FSIP1: variants seen among roughly 807,000 people sequenced by gnomAD.
FSIP1 encodes fibrous sheath interacting protein 1.
In FSIP1, 65 loss-of-function variants were observed where a neutral mutation model predicts 60.9. The ratio of observed to expected loss-of-function variants is 1.07; its 90% CI spans 0.87 to 1.31. The LOEUF (loss-of-function observed/expected upper bound fraction) is 1.31, where lower values mean the gene tolerates loss of function less well. Among genes scored for constraint, FSIP1 ranks in the 40% most tolerant of loss-of-function variants. The pLI is 0.00. For missense variants in FSIP1, 675 were observed against 665.5 expected, an observed-to-expected ratio of 1.01 and a Z score of -0.16; for synonymous variants, 209 against 221.2, an observed-to-expected ratio of 0.94 and a Z score of 0.49.
intron 10 of FSIP1, among the ~76,000 whole-genome samples, chr15:39,694,993 A>G (rs1894757653): frequency 6.6e-6 from 1 of 152,170 alleles, no homozygotes; most frequent in Admixed American, 6.5e-5. Flanking sequence ...TGTAACAGAG[A>G]TGTGCTGTCA....
chr15:39,646,520 C>CA (rs71132108), intron 10 of FSIP1, among the ~76,000 whole-genome samples: 3,776 of 27,060 alleles, frequency 0.14, 986 homozygotes, highest in Non-Finnish European at 0.24. Context: ...CTCATCTCTA[C>CA]AAAAAAAAAA....
chr15:39,735,381 A>C (rs1896568935), intron 8 of FSIP1, among the ~76,000 whole-genome samples: 1 of 152,242 alleles, frequency 6.6e-6, no homozygotes, highest in East Asian at 1.9e-4. Context: ...GGTGATTGTT[A>C]ACACAATAGG....
At chr15:39,608,141 A>G (rs563861434) in intron 11 of FSIP1, among the ~76,000 whole-genome samples, 3 of 152,368 alleles carry the variant, frequency 2.0e-5, no homozygotes, top group African/African-American at 7.2e-5. Flanking sequence ...TGTAAGACCT[A>G]TTCCTTAGAG....
intron 10 of FSIP1, among the ~76,000 whole-genome samples, chr15:39,659,269 G>A (rs1052524226): frequency 2.7e-4 from 41 of 152,118 alleles, no homozygotes; most frequent in African/African-American, 9.7e-5. Context: ...TGGGCTGGAC[G>A]CCGTGGCTCA....
chr15:39,661,310 C>T (rs953105959), intron 10 of FSIP1, among the ~76,000 whole-genome samples: 15 of 152,160 alleles, frequency 9.9e-5, no homozygotes, highest in African/African-American at 3.6e-4. Context: ...GATGAGATGG[C>T]TTTCTGTATA....
rs755909090 is a variant in FSIP1 at position 39,713,526 on chromosome 15, A to T, written c.1106T>A (p.Leu369His). The change falls in exon 10 of 12, where the codon CTT (leucine) becomes CAT (histidine). Residue 369 changes from leucine to histidine, a missense_variant. Physicochemically the swap from Leu to His is moderately conservative, Grantham distance 99 (BLOSUM62 -3). Transcript: ENST00000350221. Reference sequence around the variant, plus strand: ...ATCGCGTTGCTCTTTGGTGTTCCTAAGTATCTTTTCTCCTGGAGTTACTTC... The same window carrying T: ...ATCGCGTTGCTCTTTGGTGTTCCTATGTATCTTTTCTCCTGGAGTTACTTC... ...NMEVTPGEKI[L>H]RNTKEQRDLH... 2.5e-6 allele frequency: 4 copies of T among 1,610,238 alleles called. No homozygotes were observed. In the Admixed American group the frequency reaches 6.7e-5, roughly 27 times the overall value.
At chr15:39,617,312 T>C (rs74008647) in intron 11 of FSIP1, among the ~76,000 whole-genome samples, 19,650 of 152,188 alleles carry the variant, frequency 0.13, 1,469 homozygotes, top group Non-Finnish European at 0.17. Flanking sequence ...GAGAGGAGGT[T>C]TGCATACAGA....
At position 39,765,610 on chromosome 15, in the gene FSIP1, C is replaced by A; in HGVS notation, c.447G>T (p.Lys149Asn). The part of the protein sequence containing the change: ...IKKQGLEMRI[K>N]LWEEIKSAKY... ...TTCTTACCTTAATTTCTTCCCACAG[C>A]TTTATTCTCATTTCTAGACCTTGCT... Residue 149 changes from lysine to asparagine, a missense_variant, in exon 4 of 12, where the codon AAG becomes AAT. Coordinates refer to ENST00000350221, the MANE Select transcript of FSIP1 (RefSeq NM_152597.5). 1 of 1,588,266 alleles carries A rather than the reference C, an allele frequency of 6.3e-7. No individual in the cohort carries two copies. The highest frequency in any genetic ancestry group is 8.5e-7 in the Non-Finnish European group (1 of 1,171,950).
chr15:39,638,409 G>C (rs980450079), intron 10 of FSIP1, among the ~76,000 whole-genome samples: 7 of 152,208 alleles, frequency 4.6e-5, no homozygotes, highest in African/African-American at 1.4e-4. Context: ...TGAGTGGTCA[G>C]AGGAATTAGT....
intron 10 of FSIP1, among the ~76,000 whole-genome samples, chr15:39,628,640 C>T (rs1261755523): frequency 6.6e-6 from 1 of 152,166 alleles, no homozygotes; most frequent in African/African-American, 2.4e-5. Context: ...TTAAGTGTTC[C>T]TTCAGCTTGC....
At chr15:39,704,526 T>C (rs1483364102) in intron 10 of FSIP1, among the ~76,000 whole-genome samples, 1 of 152,220 alleles carries the variant, frequency 6.6e-6, no homozygotes, top group African/African-American at 2.4e-5. Flanking sequence ...GGACGTGACT[T>C]AGAGAGGTTG....
chr15:39,726,785 T>C (rs753191655), intron 8 of FSIP1, 38 bp from the exon 9 acceptor site: 48 of 1,596,510 alleles, frequency 3.0e-5, no homozygotes, highest in Non-Finnish European at 4.0e-5. Flanking sequence ...ATTCTCAGGC[T>C]ATATTTTTGC....
At chr15:39,711,057 G>C (rs1895486450) in intron 10 of FSIP1, among the ~76,000 whole-genome samples, 1 of 152,338 alleles carries the variant, frequency 6.6e-6, no homozygotes, top group African/African-American at 2.4e-5. Context: ...AATAATGGTA[G>C]AGATGTGGTA....
chr15:39,702,619 A>G (rs1284624992), intron 10 of FSIP1, among the ~76,000 whole-genome samples: 10 of 148,864 alleles, frequency 6.7e-5, no homozygotes, highest in Non-Finnish European at 1.3e-4. Context: ...CTTCATTTCA[A>G]CCTCTAAAAT....
intron 8 of FSIP1, among the ~76,000 whole-genome samples, chr15:39,731,001 G>A (rs1311783676): frequency 6.6e-6 from 1 of 152,134 alleles, no homozygotes; most frequent in East Asian, 1.9e-4. Context: ...TGTTGCTTTA[G>A]CCAAAGTCCA....
intron 10 of FSIP1, among the ~76,000 whole-genome samples, chr15:39,630,681 T>C (rs927841837): frequency 6.6e-6 from 1 of 152,140 alleles, no homozygotes; most frequent in African/African-American, 2.4e-5. Flanking sequence ...CTCAGAGAAA[T>C]TGAATGGTCC....
chr15:39,661,504 A>G (rs866723403), intron 10 of FSIP1, among the ~76,000 whole-genome samples: 28 of 152,354 alleles, frequency 1.8e-4, no homozygotes, highest in African/African-American at 6.3e-4. Flanking sequence ...AAGAAAAAAT[A>G]TGAATTATAT....
At chr15:39,714,745 G>T (rs1410769905) in intron 9 of FSIP1, among the ~76,000 whole-genome samples, 2 of 151,366 alleles carry the variant, frequency 1.3e-5, no homozygotes, top group Admixed American at 1.3e-4. Flanking sequence ...AAGTCAGGAG[G>T]ATCCCTTGAG....
chr15:39,687,136 CCTTTTTTTTTT>C (rs1257049073), intron 10 of FSIP1, among the ~76,000 whole-genome samples: 8 of 47,732 alleles, frequency 1.7e-4, no homozygotes, highest in South Asian at 8.9e-4. Flanking sequence ...CTTTTCTTTT[CCTTTTTTTTTT>C]TTTTTTTTTT....
Sources: allele counts gnomAD v4.1 joint callset (sites outside exome capture counted in the v4.1 genomes callset), GRCh38; gene constraint gnomAD v4.1.1; transcripts MANE v1.5; gene names NCBI Gene and HGNC (gene_info 2026-07-23, HGNC 2026-07-21).